Variants in STX8 observed in about 807,000 individuals in gnomAD.
STX8 encodes the protein syntaxin 8, also known as syntaxin-8.
Under a neutral mutation model 37.5 loss-of-function variants are expected in STX8, and 23 were observed. The observed-to-expected ratio is 0.61, with a 90% CI of 0.44 to 0.87. STX8 has a LOEUF of 0.87. Among genes scored for constraint, STX8 ranks in the 40% least tolerant of loss-of-function variants. The pLI is 0.00. For synonymous variants in STX8, 115 were observed against 99.1 expected (o/e 1.16, Z -0.95); for missense variants, 313 against 284.7 (o/e 1.10, Z -0.71).
chr17:9,267,989 C>T lies in STX8; in HGVS notation c.644-17344G>A, dbSNP rs542979261. ...CTGGGGAACAAGAGTGAAACTCTGC[C>T]TAAAAAGAAAAAAAAAAAAAAAAAA... is the stretch of plus-strand genomic sequence containing the variant. On this transcript the variant is annotated intron_variant, in intron 7 of 7. Transcript: ENST00000306357. 4.6e-3 allele frequency among the ~76,000 whole-genome samples: 376 copies of T among 81,234 alleles called. 1 individual carries two copies. The highest frequency in any genetic ancestry group is 0.02 in the African/African-American group (363 of 18,096). 53.3% of individuals were successfully genotyped at this position (81,234 alleles called of 152,430 possible). A position where few individuals can be genotyped will look rare whatever the true frequency, so the allele number is the denominator to read the frequency against.
intron 7 of STX8, among the ~76,000 whole-genome samples, chr17:9,290,096 G>C (rs908703698): frequency 6.6e-6 from 1 of 152,170 alleles, no homozygotes; most frequent in Non-Finnish European, 1.5e-5. Flanking sequence ...GTCAGTACAA[G>C]TACATTATTT....
chr17:9,369,376 AAAC>A (rs1444686197), intron 7 of STX8, among the ~76,000 whole-genome samples: 5 of 152,232 alleles, frequency 3.3e-5, no homozygotes, highest in Admixed American at 6.5e-5. Context: ...GAAGAAGTAA[AAAC>A]AATAGCCAGA....
At chr17:9,275,410 G>A (rs1204605881) in intron 7 of STX8, among the ~76,000 whole-genome samples, 1 of 152,118 alleles carries the variant, frequency 6.6e-6, no homozygotes, top group Non-Finnish European at 1.5e-5. Flanking sequence ...CCTTCTCCCT[G>A]GTCAATGGAG....
At chr17:9,541,599 A>G (rs1328712833) in intron 4 of STX8, among the ~76,000 whole-genome samples, 1 of 152,252 alleles carries the variant, frequency 6.6e-6, no homozygotes, top group Non-Finnish European at 1.5e-5. Flanking sequence ...TTCAAAGCCC[A>G]CATGACTGAC....
intron 7 of STX8, among the ~76,000 whole-genome samples, chr17:9,277,569 G>C (rs557022326): frequency 3.5e-4 from 54 of 152,242 alleles, no homozygotes; most frequent in African/African-American, 1.2e-3. Context: ...CTGAGGAATT[G>C]ACAGGCTAAT....
intron 4 of STX8, among the ~76,000 whole-genome samples, chr17:9,511,466 A>G (rs1183986097): frequency 6.6e-6 from 1 of 152,228 alleles, no homozygotes; most frequent in Non-Finnish European, 1.5e-5. Context: ...AAATCAATAA[A>G]TGTGATATAT....
intron 7 of STX8, among the ~76,000 whole-genome samples, chr17:9,333,533 GC>G (rs1302943221): frequency 6.6e-6 from 1 of 151,942 alleles, no homozygotes. Flanking sequence ...GACTATAGGC[GC>G]CCGCCACCAC....
At chr17:9,422,992 G>A (rs879486771) in intron 6 of STX8, among the ~76,000 whole-genome samples, 2 of 152,198 alleles carry the variant, frequency 1.3e-5, no homozygotes, top group Non-Finnish European at 2.9e-5. Flanking sequence ...AAATCTGTAC[G>A]TGGTGATAAA....
intron 6 of STX8, among the ~76,000 whole-genome samples, chr17:9,418,289 T>C (rs1186343509): frequency 1.3e-5 from 2 of 151,952 alleles, no homozygotes; most frequent in Non-Finnish European, 2.9e-5. Flanking sequence ...CTCTGATTGG[T>C]ATAGGGTGCA....
At chr17:9,487,697 C>G (rs781638030) in intron 6 of STX8, among the ~76,000 whole-genome samples, 1 of 151,868 alleles carries the variant, frequency 6.6e-6, no homozygotes, top group African/African-American at 2.4e-5. Flanking sequence ...TGTAGCCACC[C>G]GGGTATGAGA....
chr17:9,323,874 G>A (rs535157008), intron 7 of STX8, among the ~76,000 whole-genome samples: 2 of 152,230 alleles, frequency 1.3e-5, no homozygotes, highest in South Asian at 2.1e-4. Flanking sequence ...GAAAGGGAAC[G>A]AGAAGAATGG....
intron 4 of STX8, among the ~76,000 whole-genome samples, chr17:9,516,141 C>T (rs1374775419): frequency 1.3e-5 from 2 of 151,394 alleles, no homozygotes; most frequent in African/African-American, 4.9e-5. Context: ...GTATATTGCC[C>T]CTGAGGTGTT....
chr17:9,342,860 A>C (rs1910409568), intron 7 of STX8, among the ~76,000 whole-genome samples: 1 of 152,060 alleles, frequency 6.6e-6, no homozygotes, highest in African/African-American at 2.4e-5. Flanking sequence ...GTCTGTACTA[A>C]AAATACAAAA....
chr17:9,325,710 G>T (rs1478468250), intron 7 of STX8, among the ~76,000 whole-genome samples: 2 of 152,256 alleles, frequency 1.3e-5, no homozygotes, highest in Non-Finnish European at 1.5e-5. Context: ...CTGGAAGTTT[G>T]CAGTGAACAT....
At chr17:9,403,778 C>T (rs1034132520) in intron 6 of STX8, among the ~76,000 whole-genome samples, 5 of 152,058 alleles carry the variant, frequency 3.3e-5, no homozygotes, top group Admixed American at 2.6e-4. Flanking sequence ...TCCCGACTAG[C>T]TGGGAGTACA....
intron 7 of STX8, among the ~76,000 whole-genome samples, chr17:9,310,246 C>T (rs1446719213): frequency 2.0e-5 from 3 of 152,128 alleles, no homozygotes; most frequent in Non-Finnish European, 2.9e-5. Context: ...TTAGTATCAG[C>T]GTTGACTTTC....
chr17:9,282,708 A>G (rs368859844), intron 7 of STX8, among the ~76,000 whole-genome samples: 2 of 152,226 alleles, frequency 1.3e-5, no homozygotes, highest in African/African-American at 4.8e-5. Flanking sequence ...CCAATGGAAC[A>G]TAAGCCTTCT....
intron 6 of STX8, among the ~76,000 whole-genome samples, chr17:9,396,924 C>T (rs1458470965): frequency 6.6e-6 from 1 of 152,114 alleles, no homozygotes; most frequent in East Asian, 1.9e-4. Flanking sequence ...AACAACATCA[C>T]TGAATGAGGT....
At chr17:9,487,805 T>C (rs1190686777) in intron 6 of STX8, among the ~76,000 whole-genome samples, 1 of 152,208 alleles carries the variant, frequency 6.6e-6, no homozygotes, top group Non-Finnish European at 1.5e-5. Context: ...TGATGCTGTG[T>C]ATATACACGT....
Sources: allele counts gnomAD v4.1 joint callset (sites outside exome capture counted in the v4.1 genomes callset), GRCh38; gene constraint gnomAD v4.1.1; transcripts MANE v1.5; gene names NCBI Gene and HGNC (gene_info 2026-07-23, HGNC 2026-07-21).